The following CRYBA4 variants were observed in gnomAD, a reference collection of about 807,000 sequenced individuals.
CRYBA4 encodes beta-crystallin A4.
Under a neutral mutation model 31.7 loss-of-function variants are expected in CRYBA4, and 30 were observed. That is an observed-to-expected ratio of 0.95 (90% CI 0.71 to 1.28). The LOEUF (loss-of-function observed/expected upper bound fraction) is 1.28. CRYBA4 is among the 50% of genes most tolerant of loss of function. The pLI is 0.00. For missense variants in CRYBA4, 225 were observed against 260.7 expected, an observed-to-expected ratio of 0.86 and a Z score of 0.94; for synonymous variants, 102 against 102.3, an observed-to-expected ratio of 1.00 and a Z score of 0.02.
the CRYBA4 span, chr22:26,599,168 A>G: frequency 1.3e-5 from 5 of 373,544 alleles, no homozygotes; most frequent in African/African-American, 1.0e-4. Context: ...AGCATCTCAC[A>G]GGTGTATCTG....
chr22:26,599,353 G>T, the CRYBA4 span: 1 of 747,938 alleles, frequency 1.3e-6, no homozygotes, highest in East Asian at 2.5e-5. Context: ...GTAACTATGG[G>T]GGACCTCAAG....
the CRYBA4 span, among the ~76,000 whole-genome samples, chr22:26,597,724 A>G: frequency 2.0e-5 from 3 of 152,322 alleles, no homozygotes; most frequent in Admixed American, 2.0e-4. Flanking sequence ...AGATTTCCAA[A>G]TGAGATGATT....
At chr22:26,616,296 C>T in the CRYBA4 span, 42 of 1,613,852 alleles carry the variant, frequency 2.6e-5, no homozygotes, top group South Asian at 2.3e-4. Context: ...TGGCCGAGGC[C>T]GAGGCCTTTG....
At chr22:26,594,428 C>T in the CRYBA4 span, among the ~76,000 whole-genome samples, 18 of 152,286 alleles carry the variant, frequency 1.2e-4, no homozygotes, top group Non-Finnish European at 2.6e-4. Context: ...TAAAAGATTA[C>T]GGGTTGCCTC....
the CRYBA4 span, among the ~76,000 whole-genome samples, chr22:26,593,054 C>T: frequency 6.6e-6 from 1 of 152,144 alleles, no homozygotes; most frequent in Admixed American, 6.5e-5. Context: ...GTGGACCAGA[C>T]ACCAGACTGT....
chr22:26,608,076 C>T, the CRYBA4 span: 3 of 1,613,314 alleles, frequency 1.9e-6, no homozygotes, highest in East Asian at 4.5e-5. Flanking sequence ...AGTAGAAGCC[C>T]CCACTCCCTA....
chr22:26,609,754 T>C, the CRYBA4 span, among the ~76,000 whole-genome samples: 2 of 152,136 alleles, frequency 1.3e-5, no homozygotes, highest in African/African-American at 4.8e-5. Context: ...ATGTAGGAGT[T>C]AAGAGGACAG....
At chr22:26,614,551 G>A in the CRYBA4 span, among the ~76,000 whole-genome samples, 1 of 152,168 alleles carries the variant, frequency 6.6e-6, no homozygotes, top group African/African-American at 2.4e-5. Context: ...GAAAGAGATG[G>A]TCACGCTCTG....
At chr22:26,609,704 C>T in the CRYBA4 span, among the ~76,000 whole-genome samples, 11 of 152,162 alleles carry the variant, frequency 7.2e-5, no homozygotes, top group East Asian at 5.8e-4. Flanking sequence ...GGTGGATAGA[C>T]GCATGGGTGA....
upstream of CRYBA4, among the ~76,000 whole-genome samples, chr22:26,619,442 G>C (rs1279859024): frequency 6.6e-6 from 1 of 152,166 alleles, no homozygotes; most frequent in African/African-American, 2.4e-5. Context: ...AGTACAGCTG[G>C]GGTCAGAAGG....
chr22:26,616,989 T>G (rs1929376485), upstream of CRYBA4, among the ~76,000 whole-genome samples: 1 of 152,240 alleles, frequency 6.6e-6, no homozygotes, highest in African/African-American at 2.4e-5. Flanking sequence ...ACCTGGCACA[T>G]AGGAGATGCC....
chr22:26,618,764 C>T (rs1276708054), upstream of CRYBA4, among the ~76,000 whole-genome samples: 2 of 152,230 alleles, frequency 1.3e-5, no homozygotes, highest in African/African-American at 4.8e-5. Flanking sequence ...GCCTGACTTC[C>T]TCTTTGTAGG....
intron 4 of CRYBA4, among the ~76,000 whole-genome samples, chr22:26,627,388 C>CT (rs1262705882): frequency 4.3e-5 from 3 of 69,098 alleles, no homozygotes; most frequent in Admixed American, 4.0e-4. Flanking sequence ...TTCTTTCTTT[C>CT]TTTCTTTCTT....
intron 4 of CRYBA4, among the ~76,000 whole-genome samples, chr22:26,627,430 C>T (rs1386510866): frequency 6.4e-4 from 58 of 91,206 alleles, no homozygotes; most frequent in Non-Finnish European, 8.6e-4. Context: ...CTTTCTTTTT[C>T]TTTCTTTCTT....
the CRYBA4 span, chr22:26,599,280 CT>C: frequency 8.2e-5 from 48 of 587,102 alleles, no homozygotes; most frequent in Middle Eastern, 4.5e-4. Flanking sequence ...GCAGAAAGAA[CT>C]TTTCAGTGTT....
At chr22:26,599,537 G>A in the CRYBA4 span, 1 of 1,613,968 alleles carries the variant, frequency 6.2e-7, no homozygotes, top group Non-Finnish European at 8.5e-7. Flanking sequence ...CCCTCGAGGT[G>A]CCACTGCTTG....
chr22:26,610,425 G>T, the CRYBA4 span, among the ~76,000 whole-genome samples: 5 of 152,042 alleles, frequency 3.3e-5, no homozygotes, highest in African/African-American at 1.2e-4. Flanking sequence ...CATCAGGCAC[G>T]GCTCCAAGGC....
At chr22:26,601,900 C>T in the CRYBA4 span, 3 of 1,612,190 alleles carry the variant, frequency 1.9e-6, no homozygotes, top group Non-Finnish European at 2.5e-6. Flanking sequence ...GACCTTCACG[C>T]TGCCCACGCG....
chr22:26,625,530 G>T lies in CRYBA4; in HGVS notation c.208G>T (p.Glu70Ter). 1 of 1,614,070 alleles carries T rather than the reference G, an allele frequency of 6.2e-7. No individual in the cohort carries two copies. The highest frequency in any genetic ancestry group is 8.5e-7 in the Non-Finnish European group (1 of 1,180,028). Residue 70 changes from glutamate (E) to a stop codon, truncating the protein, a stop_gained, in exon 4 of 6, where the codon GAA (glutamate) becomes TAA (stop). Coordinates refer to ENST00000354760, the MANE Select transcript of CRYBA4 (RefSeq NM_001886.3). LOFTEE classifies it high-confidence loss of function. ...AGFQGQQYIL[E>*]RGEYPSWDAW... ...CTTCCAAGGGCAGCAGTACATTCTG[G>T]AACGAGGCGAATATCCAAGCTGGGA...
Sources: allele counts gnomAD v4.1 joint callset (sites outside exome capture counted in the v4.1 genomes callset), GRCh38; gene constraint gnomAD v4.1.1; transcripts MANE v1.5; gene names NCBI Gene and HGNC (gene_info 2026-07-23, HGNC 2026-07-21).